Variants in BACH2 observed in about 807,000 individuals in gnomAD.
The protein encoded by BACH2 is transcription regulator protein BACH2.
In BACH2, 5 loss-of-function variants were observed where a neutral mutation model predicts 61.8. The ratio of observed to expected loss-of-function variants is 0.08; its 90% CI spans 0.04 to 0.17. The LOEUF is 0.17. Among genes scored for constraint, BACH2 ranks in the 10% least tolerant of loss-of-function variants. The pLI is 1.00. For synonymous variants in BACH2, 446 were observed against 440.1 expected (o/e 1.01, Z -0.17); for missense variants, 824 against 1,091.1 (o/e 0.76, Z 3.45).
chr6:89,995,590 T>C (rs968780092), intron 6 of BACH2, among the ~76,000 whole-genome samples: 1 of 152,126 alleles, frequency 6.6e-6, no homozygotes, highest in Non-Finnish European at 1.5e-5. Flanking sequence ...TGATGTTACT[T>C]TGTTTCCGCA....
intron 5 of BACH2, among the ~76,000 whole-genome samples, chr6:90,011,843 C>T (rs950167725): frequency 7.5e-5 from 4 of 53,138 alleles, no homozygotes; most frequent in Non-Finnish European, 1.5e-4. Flanking sequence ...ATCGCTTGAA[C>T]CCAGAAGGCG....
intron 6 of BACH2, among the ~76,000 whole-genome samples, chr6:89,964,438 TTTATG>T (rs1190451480): frequency 6.6e-6 from 1 of 152,168 alleles, no homozygotes; most frequent in Non-Finnish European, 1.5e-5. Context: ...TATGGTAAAT[TTTATG>T]TTATTTTTTT....
At chr6:90,168,511 T>G (rs1767705371) in intron 4 of BACH2, among the ~76,000 whole-genome samples, 1 of 152,176 alleles carries the variant, frequency 6.6e-6, no homozygotes, top group South Asian at 2.1e-4. Flanking sequence ...AACAATAGGT[T>G]TCAAAAATAT....
intron 6 of BACH2, among the ~76,000 whole-genome samples, chr6:89,973,770 T>C (rs1443360783): frequency 1.3e-5 from 2 of 151,876 alleles, no homozygotes; most frequent in African/African-American, 4.8e-5. Context: ...ATAGAGGAGT[T>C]CCCTGGCAAA....
At chr6:90,144,229 T>A (rs916693161) in intron 4 of BACH2, among the ~76,000 whole-genome samples, 1 of 152,256 alleles carries the variant, frequency 6.6e-6, no homozygotes, top group African/African-American at 2.4e-5. Context: ...ATCTGTTAAT[T>A]GTGTACAACA....
intron 5 of BACH2, among the ~76,000 whole-genome samples, chr6:90,021,096 A>G (rs1256592064): frequency 6.6e-6 from 1 of 152,154 alleles, no homozygotes; most frequent in Non-Finnish European, 1.5e-5. Flanking sequence ...TCAGCAGTAA[A>G]AGTAAATCAC....
intron 7 of BACH2, among the ~76,000 whole-genome samples, chr6:89,949,071 G>A (rs1379978399): frequency 6.6e-6 from 1 of 152,190 alleles, no homozygotes. Flanking sequence ...CAATCTTGCA[G>A]AGGCTGAATA....
chr6:90,092,442 AC>A (rs1782210011), intron 4 of BACH2, among the ~76,000 whole-genome samples: 1 of 151,888 alleles, frequency 6.6e-6, no homozygotes. Context: ...TCTTACATTT[AC>A]AAAAGAGTTT....
rs1459700154 is a variant in BACH2, at chr6:90,260,627, T to C, written c.-352-8037A>G. 2.0e-5 allele frequency among the ~76,000 whole-genome samples: 3 copies of C among 152,228 alleles called. No individual in the cohort carries two copies. In the East Asian group the frequency reaches 5.8e-4, roughly 29 times the overall value. On this transcript the variant is annotated intron_variant, in intron 2 of 8. Transcript: ENST00000257749. ...TTTTCTGTCTGAATGATGTACATGT[T>C]GTTGAACTGAGAAGTTATTTTTACA...
At chr6:90,171,028 TAA>T (rs368632444) in intron 4 of BACH2, among the ~76,000 whole-genome samples, 35 of 139,038 alleles carry the variant, frequency 2.5e-4, no homozygotes, top group Admixed American at 7.9e-4. Context: ...GTGGGTAAAT[TAA>T]AAAAAAAAAA....
intron 4 of BACH2, among the ~76,000 whole-genome samples, chr6:90,133,600 T>G (rs1373479259): frequency 6.6e-6 from 1 of 152,212 alleles, no homozygotes; most frequent in African/African-American, 2.4e-5. Flanking sequence ...TGCAGGTTTG[T>G]TACATATGTA....
chr6:90,171,643 CACAAA>C (rs1051184375), intron 4 of BACH2, among the ~76,000 whole-genome samples: 2 of 151,886 alleles, frequency 1.3e-5, no homozygotes, highest in African/African-American at 2.4e-5. Flanking sequence ...AATCAAAAAT[CACAAA>C]ACAAAGAATC....
chr6:89,994,881 TA>T (rs1025596355), intron 6 of BACH2, among the ~76,000 whole-genome samples: 1 of 152,250 alleles, frequency 6.6e-6, no homozygotes, highest in Non-Finnish European at 1.5e-5. Context: ...ACCCTGTTGA[TA>T]TTTTTACTTT....
chr6:90,081,001 G>A (rs1781701821), intron 5 of BACH2, among the ~76,000 whole-genome samples: 3 of 151,976 alleles, frequency 2.0e-5, no homozygotes, highest in South Asian at 2.1e-4. Flanking sequence ...CAACCACACC[G>A]CCCCCAAATC....
At chr6:90,289,455 G>A (rs1343920031) in intron 1 of BACH2, among the ~76,000 whole-genome samples, 1 of 152,094 alleles carries the variant, frequency 6.6e-6, no homozygotes, top group Non-Finnish European at 1.5e-5. Context: ...AAATAGAGGG[G>A]TGTTAGCATG....
intron 4 of BACH2, among the ~76,000 whole-genome samples, chr6:90,166,693 G>T (rs1485310764): frequency 6.6e-6 from 1 of 152,098 alleles, no homozygotes; most frequent in East Asian, 1.9e-4. Flanking sequence ...AAGAAAATGT[G>T]GCACATATAC....
intron 4 of BACH2, among the ~76,000 whole-genome samples, chr6:90,130,680 C>T (rs984138147): frequency 4.6e-5 from 7 of 152,194 alleles, no homozygotes; most frequent in African/African-American, 1.4e-4. Flanking sequence ...TTGTGAACAG[C>T]TGGTACAGGC....
chr6:90,185,492 TTA>T (rs1183083882), intron 4 of BACH2, among the ~76,000 whole-genome samples: 1 of 152,224 alleles, frequency 6.6e-6, no homozygotes, highest in Non-Finnish European at 1.5e-5. Flanking sequence ...AGATGATACA[TTA>T]AAAATGTCAC....
At chr6:90,197,074 T>C (rs186458995) in intron 4 of BACH2, among the ~76,000 whole-genome samples, 1 of 152,320 alleles carries the variant, frequency 6.6e-6, no homozygotes, top group Admixed American at 6.5e-5. Flanking sequence ...TATGAAGTTT[T>C]TTTAAAAACA....
Sources: gnomAD v4.1 joint callset for allele counts (sites outside exome capture counted in the v4.1 genomes callset) on GRCh38, gnomAD v4.1.1 for gene constraint, MANE v1.5 for transcripts, NCBI Gene and HGNC (gene_info 2026-07-23, HGNC 2026-07-21) for gene names.